The following CDK14 variants were observed in gnomAD, a reference collection of about 807,000 sequenced individuals.
CDK14 encodes the protein cyclin dependent kinase 14, also known as cyclin-dependent kinase 14.
A neutral mutation model predicts 60.7 loss-of-function variants in CDK14; 34 were observed. That is an observed-to-expected ratio of 0.56 (90% CI 0.43 to 0.75). CDK14 has a LOEUF of 0.75. Among genes scored for constraint, CDK14 ranks in the 30% least tolerant of loss-of-function variants. CDK14 has a pLI of 0.00. For synonymous variants in CDK14, 197 were observed against 203.7 expected (o/e 0.97, Z 0.28); for missense variants, 482 against 564.1 (o/e 0.85, Z 1.47).
At chr7:90,599,844 ATCAT>A (rs1333411640) in intron 1 of CDK14, among the ~76,000 whole-genome samples, 2 of 152,370 alleles carry the variant, frequency 1.3e-5, no homozygotes, top group South Asian at 4.1e-4. Flanking sequence ...GAAATTATTA[ATCAT>A]TCATCTATTG....
At chr7:90,718,780 A>G (rs1802340409) in intron 2 of CDK14, among the ~76,000 whole-genome samples, 1 of 152,158 alleles carries the variant, frequency 6.6e-6, no homozygotes, top group African/African-American at 2.4e-5. Context: ...GCAAGCAAAG[A>G]GAGGAAAGCA....
At chr7:90,668,699 C>CTTTTTTTTTTTTTTTTTTTTTTTTTTT (rs59773768) in intron 2 of CDK14, among the ~76,000 whole-genome samples, 1 of 87,538 alleles carries the variant, frequency 1.1e-5, no homozygotes, top group African/African-American at 4.3e-5. Context: ...GACTCGCATT[C>CTTTTTTTTTTTTTTTTTTTTTTTTTTT]TTTTTTTTTT....
chr7:91,143,340 G>T (rs1800521833), intron 14 of CDK14, among the ~76,000 whole-genome samples: 1 of 152,172 alleles, frequency 6.6e-6, no homozygotes, highest in Non-Finnish European at 1.5e-5. Flanking sequence ...ACAAGTACAA[G>T]CTACTTTTTT....
chr7:90,624,475 C>T (rs964324848), intron 2 of CDK14, among the ~76,000 whole-genome samples: 9 of 152,132 alleles, frequency 5.9e-5, no homozygotes, highest in Non-Finnish European at 1.3e-4. Flanking sequence ...GTTTACATAG[C>T]AGTGAGAAAC....
chr7:90,927,072 A>C (rs1237023701), intron 8 of CDK14, among the ~76,000 whole-genome samples: 2 of 152,218 alleles, frequency 1.3e-5, no homozygotes, highest in Non-Finnish European at 2.9e-5. Flanking sequence ...CAGTGTGTCC[A>C]CAACCCAGAA....
chr7:90,633,898 A>G (rs1329456708), intron 2 of CDK14, among the ~76,000 whole-genome samples: 2 of 152,206 alleles, frequency 1.3e-5, no homozygotes, highest in East Asian at 3.8e-4. Flanking sequence ...ACTTTGTTGG[A>G]GACTTTAGTC....
chr7:90,610,992 C>T (rs1799527903), intron 2 of CDK14, among the ~76,000 whole-genome samples: 3 of 152,122 alleles, frequency 2.0e-5, no homozygotes, highest in Admixed American at 2.0e-4. Flanking sequence ...TTCATGTACC[C>T]TCATTTGCTC....
At chr7:90,752,727 C>A (rs1803896217) in intron 4 of CDK14, among the ~76,000 whole-genome samples, 1 of 151,928 alleles carries the variant, frequency 6.6e-6, no homozygotes, top group African/African-American at 2.4e-5. Flanking sequence ...AAAGTTGGTT[C>A]TTTGAAAGGA....
chr7:90,712,011 A>G (rs921837910), intron 2 of CDK14, among the ~76,000 whole-genome samples: 1 of 151,056 alleles, frequency 6.6e-6, no homozygotes, highest in Non-Finnish European at 1.5e-5. Flanking sequence ...GGCATTAGCC[A>G]CTGCACGCAG....
chr7:90,668,489 A>G (rs1801028962), intron 2 of CDK14, among the ~76,000 whole-genome samples: 1 of 152,088 alleles, frequency 6.6e-6, no homozygotes, highest in Non-Finnish European at 1.5e-5. Flanking sequence ...TTATACTTTG[A>G]AGTACAAAAG....
intron 14 of CDK14, among the ~76,000 whole-genome samples, chr7:91,119,832 C>G (rs1799727341): frequency 6.6e-6 from 1 of 152,108 alleles, no homozygotes; most frequent in South Asian, 2.1e-4. Context: ...AAACTTGCCA[C>G]TCCATAGGTA....
intron 12 of CDK14, among the ~76,000 whole-genome samples, chr7:91,090,601 A>C (rs1798774278): frequency 6.6e-6 from 1 of 152,156 alleles, no homozygotes; most frequent in Non-Finnish European, 1.5e-5. Context: ...TTGTGAGGTG[A>C]ATTAGGATTT....
chr7:91,150,285 GT>G (rs1274662070), intron 14 of CDK14, among the ~76,000 whole-genome samples: 1 of 152,122 alleles, frequency 6.6e-6, no homozygotes, highest in Non-Finnish European at 1.5e-5. Context: ...TTTAAAATAT[GT>G]CTTTAAAATG....
chr7:90,648,139 G>T (rs1800511120), intron 2 of CDK14, among the ~76,000 whole-genome samples: 1 of 152,116 alleles, frequency 6.6e-6, no homozygotes, highest in South Asian at 2.1e-4. Context: ...CTAGCTGGGT[G>T]GTTTAGGCTC....
chr7:90,884,125 A>G (rs1791865390), intron 6 of CDK14, among the ~76,000 whole-genome samples: 1 of 151,178 alleles, frequency 6.6e-6, no homozygotes, highest in Non-Finnish European at 1.5e-5. Context: ...GGGTATTCAA[A>G]GAGAGAGGAA....
At chr7:90,640,368 T>G (rs925605658) in intron 2 of CDK14, among the ~76,000 whole-genome samples, 3 of 152,020 alleles carry the variant, frequency 2.0e-5, no homozygotes, top group Admixed American at 6.6e-5. Flanking sequence ...AAGCCTAGAG[T>G]TTTGTGGTCA....
intron 9 of CDK14, among the ~76,000 whole-genome samples, chr7:90,982,328 A>G (rs967016885): frequency 6.6e-6 from 1 of 152,102 alleles, no homozygotes; most frequent in African/African-American, 2.4e-5. Flanking sequence ...GAAGGAGGGT[A>G]CTCTAGATAG....
chr7:91,140,919 GA>G (rs200960036), intron 14 of CDK14, among the ~76,000 whole-genome samples: 8 of 148,840 alleles, frequency 5.4e-5, no homozygotes, highest in East Asian at 1.9e-4. Context: ...TACCTAAAAT[GA>G]AAAAAAAAAT....
chr7:90,805,489 A>C (rs975437932), intron 5 of CDK14, among the ~76,000 whole-genome samples: 24 of 152,112 alleles, frequency 1.6e-4, no homozygotes, highest in Admixed American at 1.5e-3. Flanking sequence ...GAACATGTGG[A>C]AAACAAAATT....
Sources: allele counts gnomAD v4.1 joint callset (sites outside exome capture counted in the v4.1 genomes callset), GRCh38; gene constraint gnomAD v4.1.1; transcripts MANE v1.5; gene names NCBI Gene and HGNC (gene_info 2026-07-23, HGNC 2026-07-21).